RAI1: variants seen among roughly 807,000 people sequenced by gnomAD.
RAI1 encodes the protein retinoic acid-induced protein 1.
Under a neutral mutation model 123.8 loss-of-function variants are expected in RAI1, and 9 were observed. That is an observed-to-expected ratio of 0.07 (90% CI 0.04 to 0.13). RAI1 has a LOEUF of 0.13. Ranked by LOEUF, RAI1 falls within the 10% of genes least tolerant of loss-of-function variation. RAI1 has a pLI of 1.00. For synonymous variants in RAI1, 1,231 were observed against 1,127.3 expected (o/e 1.09, Z -1.84); for missense variants, 2,256 against 2,545.8 (o/e 0.89, Z 2.45).
intron 2 of RAI1, among the ~76,000 whole-genome samples, chr17:17,774,766 C>T (rs1444594960): frequency 6.6e-6 from 1 of 152,232 alleles, no homozygotes; most frequent in Non-Finnish European, 1.5e-5. Flanking sequence ...TTAGTTGCGC[C>T]CTCCTCTGCC....
At chr17:17,739,127 C>T (rs1916533889) in intron 2 of RAI1, among the ~76,000 whole-genome samples, 1 of 152,226 alleles carries the variant, frequency 6.6e-6, no homozygotes, top group Non-Finnish European at 1.5e-5. Context: ...GAGGCCGCCT[C>T]CTCCGTGCAT....
At chr17:17,699,064 G>T (rs527455350) in intron 1 of RAI1, among the ~76,000 whole-genome samples, 1 of 152,330 alleles carries the variant, frequency 6.6e-6, no homozygotes, top group African/African-American at 2.4e-5. Context: ...CTGGGTAAAG[G>T]CTCAGCCGGG....
Position 17,793,093 on chromosome 17 carries a change from G to A in RAI1, c.145G>A (p.Asp49Asn), listed in dbSNP as rs370209009. The A allele has an allele frequency of 5.6e-6, 9 of 1,614,156 alleles. No homozygotes were observed. The South Asian group carries it at 7.7e-5, about 14-fold the overall frequency. Residue 49 changes from aspartate to asparagine, a missense_variant, in exon 3 of 6, where the codon GAC (aspartate) becomes AAC (asparagine). Asp to Asn is a conservative substitution (Grantham distance 23, BLOSUM62 1). Transcript: ENST00000353383. Reference sequence around the variant, plus strand: ...CGACCGGCAGCGGCTGCTCGCCAAGGACTATTATAACCCGCAGCCTTACCC... The same window carrying A: ...CGACCGGCAGCGGCTGCTCGCCAAGAACTATTATAACCCGCAGCCTTACCC... ...SCDRQRLLAKDYYNPQPYPSY... is the reference protein window; with the variant it reads ...SCDRQRLLAKNYYNPQPYPSY...
chr17:17,681,671 T>G lies in RAI1; in HGVS notation c.-271T>G, dbSNP rs1399270257. 3.9e-6 allele frequency: 1 copy of G among 257,122 alleles called. No homozygotes were observed. Among genetic ancestry groups the G allele is most frequent in the Non-Finnish European group, 7.3e-6 (1 of 137,606 alleles). The allele number at this position is 257,122 out of a possible 1,614,324, so 15.9% of individuals were successfully genotyped here. A position where few individuals can be genotyped will look rare whatever the true frequency, so the allele number is the denominator to read the frequency against. On this transcript the variant is annotated 5_prime_UTR_variant, in exon 1 of 6. Transcript: ENST00000353383. ...GAGGAGGGGGCGCCGCGGCCCACCC[T>G]CCTTCCTGCCTGGCCGCGGGCCGGC...
intron 2 of RAI1, among the ~76,000 whole-genome samples, chr17:17,789,240 G>A (rs892556159): frequency 1.3e-5 from 2 of 152,222 alleles, no homozygotes; most frequent in Non-Finnish European, 2.9e-5. Flanking sequence ...GCTTCCCTGC[G>A]GGTGGGCTCT....
In RAI1 at chr17:17,805,936, A is replaced by T. The variant is rs545406114; in HGVS notation, c.5659+2087A>T. Among the ~76,000 whole-genome samples the T allele has an allele frequency of 5.3e-5, 8 of 152,312 alleles. No individual in the cohort carries two copies. In the East Asian group the frequency reaches 5.8e-4, roughly 11 times the overall value. Reference sequence around the variant, plus strand: ...CCATGTTGTTTCCAGCCATCTTCACAGATTGGCTGCCTCACCCACAGCACA... The same window carrying T: ...CCATGTTGTTTCCAGCCATCTTCACTGATTGGCTGCCTCACCCACAGCACA... On this transcript the variant is annotated intron_variant, in intron 4 of 5. Coordinates refer to ENST00000353383, the MANE Select transcript of RAI1 (RefSeq NM_030665.4).
intron 2 of RAI1, among the ~76,000 whole-genome samples, chr17:17,772,645 C>A (rs1368797157): frequency 6.6e-6 from 1 of 152,214 alleles, no homozygotes; most frequent in Non-Finnish European, 1.5e-5. Context: ...CCAGGCTTTT[C>A]CTCTTTCCCT....
intron 4 of RAI1, among the ~76,000 whole-genome samples, chr17:17,806,438 G>C (rs998495607): frequency 7.9e-5 from 12 of 152,232 alleles, no homozygotes; most frequent in Admixed American, 6.5e-5. Context: ...CAGAATCCAT[G>C]GGACTTGATG....
intron 2 of RAI1, among the ~76,000 whole-genome samples, chr17:17,755,244 G>T (rs562738118): frequency 6.6e-6 from 1 of 152,338 alleles, no homozygotes; most frequent in Non-Finnish European, 1.5e-5. Context: ...AGGGCCCAGC[G>T]CATGGTGTGT....
intron 2 of RAI1, among the ~76,000 whole-genome samples, chr17:17,728,583 T>A (rs1378181999): frequency 2.0e-5 from 3 of 152,090 alleles, no homozygotes; most frequent in Admixed American, 2.0e-4. Context: ...GAGGGGCACG[T>A]GCCCAAGTCT....
intron 2 of RAI1, among the ~76,000 whole-genome samples, chr17:17,781,397 G>C (rs947980346): frequency 1.6e-4 from 24 of 151,476 alleles, no homozygotes; most frequent in Admixed American, 2.0e-4. Flanking sequence ...GGGGGCCTCT[G>C]AGCTCAGTCA....
At chr17:17,724,907 G>A (rs960458618) in intron 2 of RAI1, among the ~76,000 whole-genome samples, 2 of 152,132 alleles carry the variant, frequency 1.3e-5, no homozygotes, top group East Asian at 1.9e-4. Flanking sequence ...CTCCCCGCAC[G>A]AGAGCCTGCC....
At chr17:17,762,480 ACT>A (rs2030744852) in intron 2 of RAI1, among the ~76,000 whole-genome samples, 1 of 151,880 alleles carries the variant, frequency 6.6e-6, no homozygotes, top group South Asian at 2.1e-4. Flanking sequence ...GAAAGTTCTG[ACT>A]CTACCCCCAG....
Position 17,809,499 on chromosome 17 carries a change from C to A in RAI1, c.5709+60C>A. The A allele has an allele frequency of 1.3e-6, 2 of 1,502,376 alleles. No individual in the cohort carries two copies. Among genetic ancestry groups the A allele is most frequent in the Non-Finnish European group, 1.9e-6 (2 of 1,080,738 alleles). The allele number at this position is 1,502,376 out of a possible 1,614,324, so 93.1% of individuals were successfully genotyped here. A position where few individuals can be genotyped will look rare whatever the true frequency, so the allele number is the denominator to read the frequency against. The stretch of plus-strand genomic sequence containing the variant: ...GTCAAGCGGGAGAGGAGCCCCACCT[C>A]GCACCTCCTTCACAGTCCCCTGGGC... On this transcript the variant is annotated intron_variant, in intron 5 of 5. Transcript: ENST00000353383. This position sits in a 1 kb window ranked among gnomAD's most constrained non-coding sequence, Gnocchi z 4.9.
chr17:17,757,457 C>T (rs561560338), intron 2 of RAI1, among the ~76,000 whole-genome samples: 1 of 152,324 alleles, frequency 6.6e-6, no homozygotes, highest in South Asian at 2.1e-4. Flanking sequence ...GGGTGGGGGA[C>T]AGCCTGGCTG....
intron 2 of RAI1, among the ~76,000 whole-genome samples, chr17:17,791,138 C>T (rs747578751): frequency 5.3e-5 from 8 of 152,160 alleles, no homozygotes; most frequent in African/African-American, 9.7e-5. Context: ...GGAAAGTGGC[C>T]GGCCCCCACA....
At chr17:17,688,016 ACT>A (rs1321248068) in intron 1 of RAI1, among the ~76,000 whole-genome samples, 2 of 82,910 alleles carry the variant, frequency 2.4e-5, no homozygotes, top group African/African-American at 1.1e-4. Flanking sequence ...GGTGAAGGAG[ACT>A]CTGTCTCAAA....
intron 2 of RAI1, among the ~76,000 whole-genome samples, chr17:17,785,497 CA>C (rs1358440502): frequency 6.6e-6 from 1 of 152,226 alleles, no homozygotes. Flanking sequence ...ACATGTGAAA[CA>C]GCTCATTGTA....
intron 1 of RAI1, among the ~76,000 whole-genome samples, chr17:17,694,757 G>C (rs1914957670): frequency 1.3e-5 from 2 of 149,786 alleles, no homozygotes; most frequent in Admixed American, 1.3e-4. Context: ...GGCCAGGCGG[G>C]GGGCGAGGCG....
Sources: gnomAD v4.1 joint callset for allele counts (sites outside exome capture counted in the v4.1 genomes callset) on GRCh38, gnomAD v4.1.1 for gene constraint, Gnocchi (gnomAD v3.1) non-coding constraint, MANE v1.5 for transcripts, NCBI Gene and HGNC (gene_info 2026-07-23, HGNC 2026-07-21) for gene names.